Variants in CDH18 observed in about 807,000 individuals in gnomAD.
CDH18 encodes the protein cadherin-18.
CDH18 carries 31 observed loss-of-function variants against 67.9 expected under a neutral mutation model. The observed-to-expected ratio is 0.46, with a 90% CI of 0.34 to 0.62. The LOEUF (loss-of-function observed/expected upper bound fraction) is 0.62, where lower values mean the gene tolerates loss of function less well. CDH18 is among the 20% of genes least tolerant of loss of function. CDH18 has a pLI of 0.01. For synonymous variants in CDH18, 362 were observed against 347.2 expected (o/e 1.04, Z -0.48); for missense variants, 890 against 975.5 (o/e 0.91, Z 1.17).
intron 1 of CDH18, among the ~76,000 whole-genome samples, chr5:20,441,501 A>AG (rs1749603098): frequency 6.6e-6 from 1 of 151,896 alleles, no homozygotes; most frequent in East Asian, 1.9e-4. Flanking sequence ...GAGCAAAAAA[A>AG]AAACATTTCA....
intron 1 of CDH18, among the ~76,000 whole-genome samples, chr5:20,345,248 A>T (rs7720173): frequency 0.33 from 49,928 of 151,810 alleles, 8,790 homozygotes; most frequent in African/African-American, 0.44. Context: ...TGGGGTTGTA[A>T]TTTGTATATT....
intron 2 of CDH18, among the ~76,000 whole-genome samples, chr5:20,109,849 A>T (rs1326851390): frequency 6.6e-6 from 1 of 152,048 alleles, no homozygotes; most frequent in African/African-American, 2.4e-5. Context: ...CTTTAGAATT[A>T]AAAAAAATAC....
At chr5:19,851,813 A>C (rs1196902495) in intron 2 of CDH18, among the ~76,000 whole-genome samples, 1 of 151,830 alleles carries the variant, frequency 6.6e-6, no homozygotes, top group Non-Finnish European at 1.5e-5. Context: ...TCAAGTAGAC[A>C]ATAATCTCTT....
chr5:19,961,768 A>G (rs1043214521), intron 2 of CDH18, among the ~76,000 whole-genome samples: 13 of 152,004 alleles, frequency 8.6e-5, no homozygotes, highest in Non-Finnish European at 1.6e-4. Flanking sequence ...ATATCCAATA[A>G]TATCATTTTG....
chr5:19,497,529 T>C (rs971053072), intron 11 of CDH18, among the ~76,000 whole-genome samples: 2 of 152,174 alleles, frequency 1.3e-5, no homozygotes, highest in Admixed American at 6.6e-5. Flanking sequence ...AATCATCAGA[T>C]TCCAAATTCA....
intron 5 of CDH18, among the ~76,000 whole-genome samples, chr5:19,693,511 C>A (rs1481415892): frequency 1.3e-5 from 2 of 152,268 alleles, no homozygotes; most frequent in East Asian, 3.9e-4. Flanking sequence ...CTGGAAAATT[C>A]TTGGTGCCTG....
At chr5:20,575,256 A>T (rs1027053659) in intron 1 of CDH18, among the ~76,000 whole-genome samples, 3 of 150,274 alleles carry the variant, frequency 2.0e-5, no homozygotes, top group East Asian at 1.9e-4. Context: ...TTGAAAAAAA[A>T]ATCTGTACCT....
intron 3 of CDH18, among the ~76,000 whole-genome samples, chr5:19,775,657 C>T (rs944059281): frequency 1.3e-4 from 20 of 152,152 alleles, no homozygotes; most frequent in African/African-American, 4.8e-4. Flanking sequence ...ACCTACCAGG[C>T]ACCACTTCCA....
At chr5:20,371,727 G>A (rs938017839) in intron 1 of CDH18, among the ~76,000 whole-genome samples, 1 of 152,188 alleles carries the variant, frequency 6.6e-6, no homozygotes, top group South Asian at 2.1e-4. Context: ...GCAGCACATG[G>A]AAAGTTCCTA....
At chr5:20,179,018 A>G (rs1486039975) in intron 2 of CDH18, among the ~76,000 whole-genome samples, 1 of 152,192 alleles carries the variant, frequency 6.6e-6, no homozygotes, top group Non-Finnish European at 1.5e-5. Flanking sequence ...GGCAGAAGCC[A>G]TAGTCTAAAC....
At chr5:19,550,264 A>T (rs949369963) in intron 8 of CDH18, among the ~76,000 whole-genome samples, 5 of 151,626 alleles carry the variant, frequency 3.3e-5, no homozygotes, top group African/African-American at 7.3e-5. Flanking sequence ...AACTCTTTTT[A>T]TTATTATTAT....
At chr5:20,558,410 T>G (rs1171240680) in intron 1 of CDH18, among the ~76,000 whole-genome samples, 1 of 152,100 alleles carries the variant, frequency 6.6e-6, no homozygotes, top group Admixed American at 6.6e-5. Context: ...GACTACCAAG[T>G]GAGAAGAACT....
intron 1 of CDH18, among the ~76,000 whole-genome samples, chr5:20,528,015 G>T (rs1053547157): frequency 6.6e-6 from 1 of 151,968 alleles, no homozygotes; most frequent in Non-Finnish European, 1.5e-5. Flanking sequence ...TTCAAGAGAC[G>T]TGTCTCACAT....
chr5:20,341,179 AGT>A (rs1478793190), intron 1 of CDH18, among the ~76,000 whole-genome samples: 7 of 152,208 alleles, frequency 4.6e-5, no homozygotes, highest in Middle Eastern at 6.8e-3. Context: ...ATTGATCCTG[AGT>A]GTGTCTGTGA....
At chr5:19,782,780 C>G (rs1775277540) in intron 3 of CDH18, among the ~76,000 whole-genome samples, 1 of 152,154 alleles carries the variant, frequency 6.6e-6, no homozygotes, top group Non-Finnish European at 1.5e-5. Context: ...AATTCCACTG[C>G]TCATGATGTA....
intron 5 of CDH18, among the ~76,000 whole-genome samples, chr5:19,718,722 A>G (rs911441257): frequency 1.9e-4 from 29 of 152,036 alleles, no homozygotes; most frequent in African/African-American, 6.0e-4. Flanking sequence ...ATGATGCATT[A>G]GCCAGTATAA....
At chr5:20,226,474 T>C (rs994446641) in intron 2 of CDH18, among the ~76,000 whole-genome samples, 1 of 152,124 alleles carries the variant, frequency 6.6e-6, no homozygotes, top group Non-Finnish European at 1.5e-5. Flanking sequence ...CACAGATTCA[T>C]TGCAATTAGA....
intron 2 of CDH18, among the ~76,000 whole-genome samples, chr5:19,954,999 A>T (rs1163502770): frequency 6.6e-6 from 1 of 152,118 alleles, no homozygotes; most frequent in Non-Finnish European, 1.5e-5. Flanking sequence ...GGGCAGGACC[A>T]CATGGAGATA....
intron 2 of CDH18, among the ~76,000 whole-genome samples, chr5:20,235,852 T>G (rs147557762): frequency 6.6e-6 from 1 of 152,136 alleles, no homozygotes; most frequent in Non-Finnish European, 1.5e-5. Flanking sequence ...CTGTTTGTAA[T>G]AGCAAATCAA....
Sources: allele counts gnomAD v4.1 joint callset (sites outside exome capture counted in the v4.1 genomes callset), GRCh38; gene constraint gnomAD v4.1.1; transcripts MANE v1.5; gene names NCBI Gene and HGNC (gene_info 2026-07-23, HGNC 2026-07-21).